The following WASHC3 variants were observed in gnomAD, a reference collection of about 807,000 sequenced individuals.
WASHC3 encodes the protein WASH complex subunit 3, also known as WASH complex subunit CCDC53.
WASHC3 carries 24 observed loss-of-function variants against 26.1 expected under a neutral mutation model. That is an observed-to-expected ratio of 0.92 (90% confidence interval 0.66 to 1.29). The LOEUF (loss-of-function observed/expected upper bound fraction) is 1.29. Among genes scored for constraint, WASHC3 ranks in the 50% most tolerant of loss-of-function variants. The pLI, the probability that WASHC3 is intolerant of heterozygous loss-of-function variation, is 0.00. For synonymous variants in WASHC3, 77 were observed against 75.7 expected (o/e 1.02, Z -0.09); for missense variants, 214 against 229.6 (o/e 0.93, Z 0.44).
chr12:102,057,380 C>G (rs942428736), intron 2 of WASHC3, among the ~76,000 whole-genome samples: 1 of 152,002 alleles, frequency 6.6e-6, no homozygotes, highest in African/African-American at 2.4e-5. Flanking sequence ...CACTCTTACC[C>G]CTTCTATTCA....
chr12:102,028,104 GGC>G (rs1283789027), intron 5 of WASHC3, among the ~76,000 whole-genome samples: 1 of 151,912 alleles, frequency 6.6e-6, no homozygotes, highest in African/African-American at 2.4e-5. Context: ...ACTTGCTAGG[GGC>G]ATCCGATGTG....
At chr12:102,044,590 G>A (rs980520264) in intron 3 of WASHC3, among the ~76,000 whole-genome samples, 1 of 152,012 alleles carries the variant, frequency 6.6e-6, no homozygotes, top group Non-Finnish European at 1.5e-5. Flanking sequence ...CATGTACCTA[G>A]AAAAGTTGTT....
At chr12:102,049,043 A>G (rs1483060740) in intron 2 of WASHC3, among the ~76,000 whole-genome samples, 2 of 152,192 alleles carry the variant, frequency 1.3e-5, no homozygotes, top group Non-Finnish European at 2.9e-5. Context: ...GTTCATTTCT[A>G]AGATGTGTAT....
intron 2 of WASHC3, among the ~76,000 whole-genome samples, chr12:102,058,538 A>G (rs1177481137): frequency 6.6e-6 from 1 of 152,140 alleles, no homozygotes; most frequent in Non-Finnish European, 1.5e-5. Context: ...AAGAGAACCT[A>G]TGGAATGGGA....
chr12:102,024,179 A>C (rs1877075281), intron 6 of WASHC3, among the ~76,000 whole-genome samples: 1 of 152,220 alleles, frequency 6.6e-6, no homozygotes, highest in South Asian at 2.1e-4. Flanking sequence ...CAAGAGAGGA[A>C]GCTAGTGAGA....
At chr12:102,062,062 C>CCGGAGGCGGGCACTTGGG, upstream of WASHC3, 2 of 1,031,242 alleles carry the variant, frequency 1.9e-6, no homozygotes, top group Non-Finnish European at 2.9e-6. Context: ...CCCAAGTGCC[C>CCGGAGGCGGGCACTTGGG]GCCTCCGGGG....
At chr12:102,046,184 G>A (rs1878154875) in intron 2 of WASHC3, 65 bp from the exon 3 acceptor site, 8 of 859,172 alleles carry the variant, frequency 9.3e-6, no homozygotes, top group Middle Eastern at 2.9e-4. Flanking sequence ...ATAACTAAGG[G>A]CAGATATGAA....
intron 2 of WASHC3, among the ~76,000 whole-genome samples, chr12:102,055,431 C>T (rs932838064): frequency 1.2e-4 from 18 of 152,156 alleles, no homozygotes; most frequent in African/African-American, 4.3e-4. Flanking sequence ...CTGCAACCTC[C>T]ACCTCCCAGG....
At chr12:102,028,266 T>C (rs1373845673) in intron 5 of WASHC3, among the ~76,000 whole-genome samples, 1 of 152,190 alleles carries the variant, frequency 6.6e-6, no homozygotes, top group East Asian at 1.9e-4. Flanking sequence ...AGGAGAAAGC[T>C]GATTACTTGA....
chr12:102,045,174 T>C (rs554313047), intron 3 of WASHC3, among the ~76,000 whole-genome samples: 1 of 152,208 alleles, frequency 6.6e-6, no homozygotes, highest in Admixed American at 6.5e-5. Context: ...CTGATAACCA[T>C]AGTTAGCACA....
chr12:102,021,479 G>T (rs1188726742), intron 6 of WASHC3, among the ~76,000 whole-genome samples: 1 of 152,090 alleles, frequency 6.6e-6, no homozygotes, highest in Non-Finnish European at 1.5e-5. Flanking sequence ...TCTCCTCTTT[G>T]ATATATCTAT....
chr12:102,019,857 G>T (rs1435202407), intron 6 of WASHC3, among the ~76,000 whole-genome samples: 1 of 152,264 alleles, frequency 6.6e-6, no homozygotes, highest in East Asian at 1.9e-4. Flanking sequence ...CAGGAAGGAC[G>T]AAGTATATAC....
Position 102,046,135 on chromosome 12 carries a change from T to C in WASHC3, c.151-16A>G, listed in dbSNP as rs752999897. ...CTGCCAGTTTCTGTAAAAGAAAAAT[T>C]AGAGACATAAAGACTTTAATTAAAA... On this transcript the variant is annotated splice_polypyrimidine_tract_variant and intron_variant, in intron 2 of 6. Transcript: ENST00000240079. The C allele has an allele frequency of 6.7e-7, 1 of 1,493,042 alleles. No individual in the cohort carries two copies. Among genetic ancestry groups the C allele is most frequent in the Non-Finnish European group, 9.2e-7 (1 of 1,081,290 alleles). 92.5% of individuals were successfully genotyped at this position (1,493,042 alleles called of 1,614,324 possible).
chr12:102,013,941 G>A (rs755816309), intron 6 of WASHC3, among the ~76,000 whole-genome samples: 6 of 152,096 alleles, frequency 3.9e-5, no homozygotes, highest in Non-Finnish European at 8.8e-5. Context: ...TTTTGTGCCA[G>A]TAAGTCATTT....
chr12:102,021,366 G>A (rs981983045), intron 6 of WASHC3, among the ~76,000 whole-genome samples: 5 of 152,172 alleles, frequency 3.3e-5, no homozygotes, highest in Admixed American at 2.6e-4. Context: ...AGCTGTTCTA[G>A]GTAGGATGGA....
At chr12:102,034,318 C>T (rs1262162585) in intron 5 of WASHC3, among the ~76,000 whole-genome samples, 1 of 152,104 alleles carries the variant, frequency 6.6e-6, no homozygotes, top group Non-Finnish European at 1.5e-5. Flanking sequence ...ATGTCAATGA[C>T]AGAAAATGAA....
chr12:102,062,099 C>A (rs1035326766), upstream of WASHC3: 2 of 681,300 alleles, frequency 2.9e-6, no homozygotes, highest in African/African-American at 1.8e-5. Flanking sequence ...AAAGCTTCTC[C>A]GCTCACTAAT....
At chr12:102,030,536 T>C (rs1594355300) in intron 5 of WASHC3, among the ~76,000 whole-genome samples, 4 of 152,072 alleles carry the variant, frequency 2.6e-5, no homozygotes, top group Admixed American at 2.0e-4. Context: ...CTAAAAAAAA[T>C]GGAAACTTTA....
chr12:102,060,438 C>T (rs990922946), intron 2 of WASHC3, among the ~76,000 whole-genome samples: 3 of 152,194 alleles, frequency 2.0e-5, no homozygotes, highest in Non-Finnish European at 4.4e-5. Context: ...CACTGCTGTG[C>T]CAGTTCTGGT....
Sources: allele counts gnomAD v4.1 joint callset (sites outside exome capture counted in the v4.1 genomes callset), GRCh38; gene constraint gnomAD v4.1.1; transcripts MANE v1.5; gene names NCBI Gene and HGNC (gene_info 2026-07-23, HGNC 2026-07-21).